P4HA3: variants seen among roughly 807,000 people sequenced by gnomAD.
P4HA3 encodes the protein prolyl 4-hydroxylase subunit alpha-3.
P4HA3 carries 60 observed loss-of-function variants against 66.7 expected under a neutral mutation model. The ratio of observed to expected loss-of-function variants is 0.90; its 90% CI spans 0.73 to 1.12. The LOEUF is 1.12. Ranked by LOEUF, P4HA3 falls within the 50% of genes most tolerant of loss-of-function variation. The probability of loss-of-function intolerance (pLI) is 0.00; values close to 1 mark genes in which losing one functional copy is unlikely to be tolerated. For synonymous variants in P4HA3, 263 were observed against 274.6 expected (o/e 0.96, Z 0.42); for missense variants, 683 against 685.8 (o/e 1.00, Z 0.05).
At chr11:74,297,740 G>T (rs992718704) in intron 4 of P4HA3, among the ~76,000 whole-genome samples, 4 of 152,160 alleles carry the variant, frequency 2.6e-5, no homozygotes, top group African/African-American at 9.7e-5. Context: ...TCACATTACA[G>T]TTGGACTCAA....
chr11:74,266,902 G>T lies in P4HA3; in HGVS notation c.*346C>A. ...GCCACTTCTTGGTCCCTGTGGTCAA[G>T]GTTCAAAGTGCCAAAAGACCCACTG... On this transcript the variant is annotated 3_prime_UTR_variant, in exon 13 of 13. Coordinates refer to ENST00000331597, the MANE Select transcript of P4HA3 (RefSeq NM_182904.5). 9.5e-7 allele frequency: 1 copy of T among 1,051,796 alleles called. No individual in the cohort carries two copies. Among genetic ancestry groups the T allele is most frequent in the Non-Finnish European group, 1.3e-6 (1 of 751,268 alleles). 65.2% of individuals were successfully genotyped at this position (1,051,796 alleles called of 1,614,324 possible).
At position 74,285,803 on chromosome 11, in the gene P4HA3, A is replaced by T. The variant is rs1860772937; in HGVS notation, c.1110+6T>A. ...GAAATTCTTGGCGGGTTCTCAGGAC[A>T]CTCACCCATGGTTCTGCAAGTTCTC... On this transcript the variant is annotated splice_donor_region_variant and intron_variant, in intron 7 of 12. Coordinates refer to ENST00000331597, the MANE Select transcript of P4HA3 (RefSeq NM_182904.5). 6.2e-7 allele frequency: 1 copy of T among 1,612,646 alleles called. No individual in the cohort carries two copies. Among genetic ancestry groups the T allele is most frequent in the African/African-American group, 1.3e-5 (1 of 74,828 alleles).
chr11:74,275,259 T>A (rs1256264716), intron 9 of P4HA3, among the ~76,000 whole-genome samples: 1 of 152,232 alleles, frequency 6.6e-6, no homozygotes, highest in Non-Finnish European at 1.5e-5. Context: ...TTGCCTAACC[T>A]GTGGTCACAA....
downstream of P4HA3, among the ~76,000 whole-genome samples, chr11:74,263,367 C>T (rs1421368179): frequency 6.6e-6 from 1 of 152,160 alleles, no homozygotes; most frequent in Non-Finnish European, 1.5e-5. Context: ...CTTTTCAATA[C>T]CTGGGAAAAT....
At chr11:74,278,135 G>A (rs1451043861) in intron 8 of P4HA3, among the ~76,000 whole-genome samples, 1 of 152,180 alleles carries the variant, frequency 6.6e-6, no homozygotes, top group Non-Finnish European at 1.5e-5. Flanking sequence ...ACAGAGGAAG[G>A]AGAAGTTCAT....
intron 5 of P4HA3, among the ~76,000 whole-genome samples, chr11:74,288,757 T>A (rs1860890690): frequency 2.6e-5 from 4 of 151,958 alleles, no homozygotes. Context: ...GAGACCAGCC[T>A]GGCCAACGTG....
chr11:74,284,623 A>C (rs537196663), intron 7 of P4HA3, among the ~76,000 whole-genome samples: 13 of 152,286 alleles, frequency 8.5e-5, no homozygotes, highest in African/African-American at 3.1e-4. Flanking sequence ...GTAATGGGAG[A>C]AGTGACCCAC....
chr11:74,259,383 CAAACA>C (rs1241218000), intron 15 of P4HA3, among the ~76,000 whole-genome samples: 6 of 152,048 alleles, frequency 3.9e-5, no homozygotes, highest in Non-Finnish European at 7.4e-5. Context: ...GATTCTGTCT[CAAACA>C]AAACAAAACA....
At chr11:74,289,441 C>T (rs73550758) in intron 4 of P4HA3, among the ~76,000 whole-genome samples, 15,862 of 150,642 alleles carry the variant, frequency 0.11, 1,357 homozygotes, top group African/African-American at 0.24. Flanking sequence ...ATTGTTTTTT[C>T]TTTTAATTTT....
chr11:74,275,331 T>A (rs1036799535), intron 9 of P4HA3, among the ~76,000 whole-genome samples: 7 of 152,238 alleles, frequency 4.6e-5, no homozygotes, highest in African/African-American at 1.7e-4. Flanking sequence ...CTATGACCCA[T>A]TTTGTGTTAA....
downstream of P4HA3, among the ~76,000 whole-genome samples, chr11:74,265,646 C>A (rs1266892802): frequency 6.6e-6 from 1 of 152,222 alleles, no homozygotes; most frequent in African/African-American, 2.4e-5. Flanking sequence ...CTTCTCATCA[C>A]ACTCTGCTTA....
At chr11:74,292,230 C>T (rs1378373469) in intron 4 of P4HA3, among the ~76,000 whole-genome samples, 5 of 152,168 alleles carry the variant, frequency 3.3e-5, no homozygotes, top group South Asian at 2.1e-4. Flanking sequence ...AGTTTATTTG[C>T]GTAGAGGTGT....
Position 74,302,579 on chromosome 11 carries a change from G to A in P4HA3, c.357C>T (p.Gly119=). 6.2e-6 allele frequency: 10 copies of A among 1,613,854 alleles called. No homozygotes were observed. Among genetic ancestry groups the A allele is most frequent in the Non-Finnish European group, 8.5e-6 (10 of 1,179,890 alleles). ...ASENIRALKD[G]YEKVEQDLPA... ...GAAGGTCTTGCTCCACCTTCTCATA[G>A]CCATCCTTCAGAGCTGTAAAAGTAG... is the stretch of plus-strand genomic sequence containing the variant. The change falls in exon 3 of 13, where the codon GGC becomes GGT. Residue 119 remains glycine, a synonymous_variant. Transcript: ENST00000331597.
intron 5 of P4HA3, among the ~76,000 whole-genome samples, chr11:74,288,600 C>G (rs948352405): frequency 1.3e-5 from 2 of 152,100 alleles, no homozygotes; most frequent in Non-Finnish European, 2.9e-5. Flanking sequence ...ATGCATTGAA[C>G]AGCATGTAAG....
At chr11:74,308,381 CA>C (rs1248675334) in intron 1 of P4HA3, among the ~76,000 whole-genome samples, 1 of 151,888 alleles carries the variant, frequency 6.6e-6, no homozygotes, top group African/African-American at 2.4e-5. Context: ...AAAACAAAAA[CA>C]AAAAAACCCT....
At chr11:74,289,282 C>T in intron 4 of P4HA3, 152 bp from the exon 5 acceptor site, 1 of 651,656 alleles carries the variant, frequency 1.5e-6, no homozygotes, top group Non-Finnish European at 2.3e-6. Context: ...ACCAGAAATG[C>T]AGAGGATCTG....
chr11:74,257,211 G>C (rs1184526598), intron 15 of P4HA3, among the ~76,000 whole-genome samples: 1 of 152,056 alleles, frequency 6.6e-6, no homozygotes, highest in Non-Finnish European at 1.5e-5. Context: ...TGCAACCTCT[G>C]CCTCCCAGGT....
At chr11:74,291,936 G>T (rs1861043028) in intron 4 of P4HA3, among the ~76,000 whole-genome samples, 1 of 152,050 alleles carries the variant, frequency 6.6e-6, no homozygotes, top group Non-Finnish European at 1.5e-5. Flanking sequence ...CCGGGCTTTG[G>T]TATCAGGATG....
At chr11:74,272,538 T>C (rs1168378581) in intron 10 of P4HA3, among the ~76,000 whole-genome samples, 1 of 152,136 alleles carries the variant, frequency 6.6e-6, no homozygotes, top group Non-Finnish European at 1.5e-5. Context: ...CCATTGTAAG[T>C]GGAAGCCTTC....
Sources: gnomAD v4.1 joint callset for allele counts (sites outside exome capture counted in the v4.1 genomes callset) on GRCh38, gnomAD v4.1.1 for gene constraint, MANE v1.5 for transcripts, NCBI Gene and HGNC (gene_info 2026-07-23, HGNC 2026-07-21) for gene names.